OPA1: variants seen among roughly 807,000 people sequenced by gnomAD.
OPA1 encodes the protein dynamin-like GTPase OPA1, mitochondrial.
In OPA1, 59 loss-of-function variants were observed where a neutral mutation model predicts 152.9. The ratio of observed to expected loss-of-function variants is 0.39; its 90% CI spans 0.31 to 0.48. OPA1 has a LOEUF of 0.48. Among genes scored for constraint, OPA1 ranks in the 20% least tolerant of loss-of-function variants. OPA1 has a pLI of 0.96. For missense variants in OPA1, 1,008 were observed against 1,216.8 expected (o/e 0.83, Z 2.55); for synonymous variants, 400 against 389.9 (o/e 1.03, Z -0.31).
rs1714040834 is a variant in OPA1 at position 193,657,113 on chromosome 3, C to T, written c.2212C>T (p.Arg738Cys). The change falls in exon 23 of 31, where the codon CGC becomes TGC. Residue 738 changes from arginine (R) to cysteine (C), a missense_variant. Transcript: ENST00000361510. Reference sequence around the variant, plus strand: ...GGAGACCCTACAAGAAGAATTTTCCCGCTTTATGACAGAACCGAAAGGGAA... The same window carrying T: ...GGAGACCCTACAAGAAGAATTTTCCTGCTTTATGACAGAACCGAAAGGGAA... Reference protein sequence around the residue: ...AWETLQEEFSRFMTEPKGKEH... With the variant: ...AWETLQEEFSCFMTEPKGKEH... 6.2e-6 allele frequency: 10 copies of T among 1,613,258 alleles called. No individual in the cohort carries two copies. The highest frequency in any genetic ancestry group is 4.5e-5 in the East Asian group (2 of 44,848).
chr3:193,642,917 G>T lies in OPA1; in HGVS notation c.1231-58G>T, dbSNP rs947574602. On this transcript the variant is annotated intron_variant, in intron 12 of 30. Coordinates refer to ENST00000361510, the MANE Select transcript of OPA1 (RefSeq NM_130837.3). The stretch of plus-strand genomic sequence containing the variant: ...GATGAGCTTATAAAAGACAGTTAAA[G>T]AATATTTGTGAATTAAGATTTTCTT... 8.3e-6 allele frequency: 13 copies of T among 1,572,964 alleles called. No individual in the cohort carries two copies. In the African/African-American group the frequency reaches 1.5e-4, roughly 18 times the overall value.
At chr3:193,687,619 G>A (rs536507813) in intron 29 of OPA1, among the ~76,000 whole-genome samples, 5 of 152,212 alleles carry the variant, frequency 3.3e-5, no homozygotes, top group Non-Finnish European at 5.9e-5. Flanking sequence ...AAAGCACCGT[G>A]ATACTGAAGC....
intron 29 of OPA1, among the ~76,000 whole-genome samples, chr3:193,675,866 A>G (rs1023697483): frequency 1.3e-5 from 2 of 152,322 alleles, no homozygotes; most frequent in South Asian, 4.1e-4. Flanking sequence ...CAGACTGTTC[A>G]TTAGCCCCCT....
At chr3:193,637,126 T>G (rs946287004) in intron 9 of OPA1, 69 bp from the exon 10 acceptor site, 9 of 797,148 alleles carry the variant, frequency 1.1e-5, no homozygotes, top group Non-Finnish European at 1.6e-5. Flanking sequence ...TTTTTTCTCT[T>G]GACACATCTG....
intron 1 of OPA1, among the ~76,000 whole-genome samples, chr3:193,600,891 G>A (rs996478363): frequency 3.9e-5 from 6 of 152,114 alleles, no homozygotes; most frequent in Non-Finnish European, 8.8e-5. Flanking sequence ...GTACTTGGTG[G>A]CAGTGTCTAA....
intron 1 of OPA1, among the ~76,000 whole-genome samples, chr3:193,595,727 CAG>C (rs747901354): frequency 3.3e-4 from 50 of 152,286 alleles, no homozygotes; most frequent in Non-Finnish European, 5.9e-5. Context: ...TTGGCACACT[CAG>C]TGGGCCTTTC....
At chr3:193,667,696 CA>C in intron 29 of OPA1, among the ~76,000 whole-genome samples, 1 of 141,104 alleles carries the variant, frequency 7.1e-6, no homozygotes, top group Non-Finnish European at 1.6e-5. Context: ...AAAAAAGTTA[CA>C]AGGAATTTTT....
Position 193,643,414 on chromosome 3 carries a change from G to T in OPA1, c.1347G>T (p.Met449Ile). ...TAAAAGGCCCTGGACTACAGAGGATGGTGCTTGTTGACTTACCAGGTGTGA... is the reference window on the plus strand; with the variant it reads ...TAAAAGGCCCTGGACTACAGAGGATTGTGCTTGTTGACTTACCAGGTGTGA... ...LNVKGPGLQR[M>I]VLVDLPGVIN... Residue 449 changes from methionine to isoleucine, a missense_variant, in exon 14 of 31, where the codon ATG (methionine) becomes ATT (isoleucine). By Grantham distance (10) the Met-to-Ile change is conservative. This residue lies in a region of OPA1 where 213 missense variants were observed against 291.4 expected (regional missense o/e 0.73). Coordinates refer to ENST00000361510, the MANE Select transcript of OPA1 (RefSeq NM_130837.3). 2 of 1,612,050 alleles carry T rather than the reference G, an allele frequency of 1.2e-6. No homozygotes were observed. The highest frequency in any genetic ancestry group is 1.7e-6 in the Non-Finnish European group (2 of 1,178,180).
In OPA1 at chr3:193,668,274, G is replaced by A. The variant is rs575461816; in HGVS notation, c.2983+994G>A. The stretch of plus-strand genomic sequence containing the variant: ...CATATTTTGGTCAGTCCTCCTATAC[G>A]TAACCCAACTTGAATGAAGATATGT... On this transcript the variant is annotated intron_variant, in intron 29 of 30. Coordinates refer to ENST00000361510, the MANE Select transcript of OPA1 (RefSeq NM_130837.3). The A allele has an allele frequency of 1.2e-4, 180 of 1,474,268 alleles. 2 individuals are homozygous for A. The South Asian group carries it at 1.6e-3, about 13-fold the overall frequency. 91.3% of individuals were successfully genotyped at this position (1,474,268 alleles called of 1,614,324 possible). A position where few individuals can be genotyped will look rare whatever the true frequency, so the allele number is the denominator to read the frequency against.
At chr3:193,668,386 G>T in intron 29 of OPA1, 1 of 1,551,066 alleles carries the variant, frequency 6.4e-7, no homozygotes, top group South Asian at 1.2e-5. Flanking sequence ...ACCCAGCATT[G>T]ACACTTCTTT....
intron 1 of OPA1, among the ~76,000 whole-genome samples, chr3:193,607,367 C>G (rs1419950552): frequency 6.6e-6 from 1 of 152,178 alleles, no homozygotes; most frequent in African/African-American, 2.4e-5. Flanking sequence ...ATGGTATTGC[C>G]TAGGTTTTCT....
At chr3:193,601,461 A>C (rs1263870884) in intron 1 of OPA1, among the ~76,000 whole-genome samples, 1 of 152,226 alleles carries the variant, frequency 6.6e-6, no homozygotes, top group Non-Finnish European at 1.5e-5. Flanking sequence ...AGAGACCCTC[A>C]GGGGTTGGAA....
intron 3 of OPA1, among the ~76,000 whole-genome samples, chr3:193,616,841 C>A (rs1331666940): frequency 6.6e-6 from 1 of 152,152 alleles, no homozygotes; most frequent in Non-Finnish European, 1.5e-5. Context: ...AAAGATAAAA[C>A]TGTTCTATGT....
rs1729338139 is a variant in OPA1, at chr3:193,617,971, G to T, written c.610+134G>T. 7 of 691,914 alleles carry T rather than the reference G, an allele frequency of 1.0e-5. No homozygotes were observed. In the South Asian group the frequency reaches 1.1e-4, roughly 11 times the overall value. The allele number at this position is 691,914 out of a possible 1,614,324, so 42.9% of individuals were successfully genotyped here. On this transcript the variant is annotated intron_variant, in intron 5 of 30. Coordinates refer to ENST00000361510, the MANE Select transcript of OPA1 (RefSeq NM_130837.3). ...TTTTAAAACCCCAGAACTATATTAG[G>T]CAAACTCATTATCCTTTAGGTGGAA...
chr3:193,657,347 G>T lies in OPA1; in HGVS notation c.2331+115G>T, dbSNP rs150732301. On this transcript the variant is annotated intron_variant, in intron 23 of 30. Transcript: ENST00000361510. ...AATTACATTCTGAATTAAAAATAAT[G>T]AAGTAAAGAAACAGATTTATGATCT... 13,361 of 1,027,788 alleles carry T rather than the reference G, an allele frequency of 0.013. 103 individuals carry two copies. The highest frequency in any genetic ancestry group is 0.016 in the Non-Finnish European group (11,035 of 676,406). The allele number at this position is 1,027,788 out of a possible 1,614,324, so 63.7% of individuals were successfully genotyped here.
intron 1 of OPA1, among the ~76,000 whole-genome samples, chr3:193,608,779 G>T (rs147943843): frequency 1.1e-3 from 169 of 152,004 alleles, no homozygotes; most frequent in African/African-American, 3.8e-3. Flanking sequence ...TGTCTCGTTG[G>T]TCTGTCTAAT....
chr3:193,685,320 A>G (rs1720795019), intron 29 of OPA1, among the ~76,000 whole-genome samples: 1 of 152,086 alleles, frequency 6.6e-6, no homozygotes. Context: ...AAAAAGCTGA[A>G]TTTATCAACA....
intron 1 of OPA1, among the ~76,000 whole-genome samples, chr3:193,613,711 G>T (rs1181400858): frequency 3.9e-5 from 6 of 152,058 alleles, no homozygotes; most frequent in Non-Finnish European, 8.8e-5. Context: ...CTGAATAGCT[G>T]GGATTACAGG....
chr3:193,604,867 A>AAAAAG (rs1727001819), intron 1 of OPA1, among the ~76,000 whole-genome samples: 1 of 150,230 alleles, frequency 6.7e-6, no homozygotes, highest in Non-Finnish European at 1.5e-5. Flanking sequence ...TCTCAAAAAA[A>AAAAAG]AAAAAAAAGA....
Sources: gnomAD v4.1 joint callset for allele counts (sites outside exome capture counted in the v4.1 genomes callset) on GRCh38, gnomAD v4.1.1 for gene constraint, gnomAD v4.1.1 regional missense constraint, MANE v1.5 for transcripts, NCBI Gene and HGNC (gene_info 2026-07-23, HGNC 2026-07-21) for gene names.